SYNE1: variants seen among roughly 807,000 people sequenced by gnomAD.
SYNE1 encodes spectrin repeat containing nuclear envelope protein 1, also known as nesprin-1.
SYNE1 carries 616 observed loss-of-function variants against 1,111.0 expected under a neutral mutation model. The observed-to-expected ratio is 0.55, with a 90% CI of 0.52 to 0.59. The LOEUF is 0.59. Ranked by LOEUF, SYNE1 falls within the 20% of genes least tolerant of loss-of-function variation. The pLI is 0.00. For synonymous variants in SYNE1, 3,855 were observed against 3,825.8 expected, an observed-to-expected ratio of 1.01 and a Z score of -0.28; for missense variants, 10,006 against 10,417.0, an observed-to-expected ratio of 0.96 and a Z score of 1.72.
At chr6:152,598,602 T>A (rs550114307) in intron 3 of SYNE1, among the ~76,000 whole-genome samples, 2 of 152,234 alleles carry the variant, frequency 1.3e-5, no homozygotes, top group Non-Finnish European at 2.9e-5. Context: ...AATAGCATCA[T>A]GGGAATGTGG....
intron 3 of SYNE1, among the ~76,000 whole-genome samples, chr6:152,563,474 T>G (rs1473326082): frequency 6.6e-6 from 1 of 152,194 alleles, no homozygotes; most frequent in African/African-American, 2.4e-5. Context: ...CATTCGATAT[T>G]TAGAAAATTA....
chr6:152,170,252 A>C (rs566426465), intron 130 of SYNE1, among the ~76,000 whole-genome samples: 1 of 152,234 alleles, frequency 6.6e-6, no homozygotes. Context: ...GGCAATGTTC[A>C]TTGATACAGA....
Position 152,151,984 on chromosome 6 carries a change from A to G in SYNE1, c.24287T>C (p.Val8096Ala), listed in dbSNP as rs755154630. ...NQRWDNLQKR[V>A]TSILRRLKHF... ...CTTGAGTCTGCGCAAGATGGAGGTG[A>G]CACGCTTTTGCAGGTTGTCCCATCT... The change falls in exon 134 of 146, where the codon GTC (valine) becomes GCC (alanine). Residue 8096 changes from valine (V) to alanine (A), a missense_variant. This residue lies in a region of SYNE1 where 2,182 missense variants were observed against 2,287.8 expected (regional missense o/e 0.95). Coordinates refer to ENST00000367255, the MANE Select transcript of SYNE1 (RefSeq NM_182961.4). 1.2e-6 allele frequency: 2 copies of G among 1,614,240 alleles called. No individual in the cohort carries two copies. The highest frequency in any genetic ancestry group is 1.7e-6 in the Non-Finnish European group (2 of 1,180,040).
In SYNE1 at chr6:152,179,825, C is replaced by T. The variant is rs544932524; in HGVS notation, c.23460+311G>A. ...TCAGCCTCTAGAGTAGCTGGTACTA[C>T]AGGCGCGCACCACCACGCCAGGCTA... On this transcript the variant is annotated intron_variant, in intron 129 of 145. Transcript: ENST00000367255. 1.5e-3 allele frequency among the ~76,000 whole-genome samples: 229 copies of T among 151,668 alleles called. 1 individual carries two copies. Among genetic ancestry groups the T allele is most frequent in the African/African-American group, 5.3e-3 (218 of 41,372 alleles).
chr6:152,291,588 G>C (rs543636444), intron 95 of SYNE1, among the ~76,000 whole-genome samples: 16 of 152,278 alleles, frequency 1.1e-4, no homozygotes, highest in African/African-American at 3.4e-4. Context: ...TGAGCAACAG[G>C]GTGGTGGTGC....
intron 63 of SYNE1, among the ~76,000 whole-genome samples, chr6:152,363,544 T>A (rs1050331430): frequency 3.2e-5 from 4 of 126,458 alleles, no homozygotes; most frequent in Non-Finnish European, 5.1e-5. Context: ...TAAATAAATA[T>A]AAAAATAAAT....
chr6:152,254,822 T>C, intron 104 of SYNE1, 58 bp downstream of exon 104: 1 of 1,475,796 alleles, frequency 6.8e-7, no homozygotes, highest in Non-Finnish European at 9.4e-7. Context: ...GACTCGTGAC[T>C]GACTATTACT....
At chr6:152,132,760 G>A (rs2056118650) in intron 143 of SYNE1, among the ~76,000 whole-genome samples, 1 of 151,968 alleles carries the variant, frequency 6.6e-6, no homozygotes, top group African/African-American at 2.4e-5. Flanking sequence ...AATCTTACCA[G>A]GCATCACCAC....
chr6:152,264,206 C>CAAAAAAAAAAAAAAAA (rs56714685), intron 100 of SYNE1, among the ~76,000 whole-genome samples: 1 of 45,896 alleles, frequency 2.2e-5, no homozygotes, highest in Non-Finnish European at 3.7e-5. Flanking sequence ...GACTCCATCT[C>CAAAAAAAAAAAAAAAA]AAAAAAAAAA....
At chr6:152,311,049 C>A in intron 87 of SYNE1, 176 bp from the exon 88 acceptor site, 1 of 669,730 alleles carries the variant, frequency 1.5e-6, no homozygotes, top group Admixed American at 2.3e-5. Context: ...AACTATTTCA[C>A]AGAAAAAGAA....
intron 55 of SYNE1, among the ~76,000 whole-genome samples, chr6:152,381,750 G>T (rs1442999307): frequency 6.6e-6 from 1 of 152,160 alleles, no homozygotes; most frequent in Non-Finnish European, 1.5e-5. Context: ...TGGCAGAACT[G>T]TGTTCTGCTC....
chr6:152,589,887 T>A (rs1482730311), intron 3 of SYNE1, among the ~76,000 whole-genome samples: 1 of 151,914 alleles, frequency 6.6e-6, no homozygotes, highest in African/African-American at 2.4e-5. Context: ...AAAGCATACT[T>A]CACTCAGCAG....
At chr6:152,195,831 G>A (rs942355530) in intron 127 of SYNE1, among the ~76,000 whole-genome samples, 38 of 111,066 alleles carry the variant, frequency 3.4e-4, no homozygotes, top group African/African-American at 1.4e-3. Flanking sequence ...TCTATGTTTG[G>A]TCAAGGCCCT....
intron 137 of SYNE1, chr6:152,145,320 T>G: frequency 1.5e-6 from 1 of 689,148 alleles, no homozygotes; most frequent in Non-Finnish European, 2.6e-6. Flanking sequence ...ATCTTATTCT[T>G]GGTGTGGATT....
chr6:152,384,679 C>T (rs1591618262), intron 55 of SYNE1, among the ~76,000 whole-genome samples: 1 of 152,110 alleles, frequency 6.6e-6, no homozygotes, highest in Non-Finnish European at 1.5e-5. Flanking sequence ...AGTTTGAGAT[C>T]AGCCTGGCCA....
chr6:152,254,529 C>T (rs763948649), intron 104 of SYNE1, among the ~76,000 whole-genome samples: 5 of 152,034 alleles, frequency 3.3e-5, no homozygotes, highest in Admixed American at 2.0e-4. Context: ...GGATCACAGG[C>T]GTGAGCCACT....
intron 56 of SYNE1, among the ~76,000 whole-genome samples, chr6:152,377,767 A>T (rs1038390860): frequency 1.2e-4 from 18 of 150,320 alleles, no homozygotes; most frequent in African/African-American, 4.4e-4. Flanking sequence ...TCTGGTTTAA[A>T]TAGTAATTCA....
chr6:152,560,281 G>A (rs556585252), intron 3 of SYNE1, among the ~76,000 whole-genome samples: 5 of 152,236 alleles, frequency 3.3e-5, no homozygotes, highest in East Asian at 1.9e-4. Context: ...TGGGAGAATC[G>A]CTTAAACCTG....
At chr6:152,302,262 G>A (rs1052653527) in intron 91 of SYNE1, 199 bp from the exon 92 acceptor site, 34 of 694,206 alleles carry the variant, frequency 4.9e-5, no homozygotes, top group Middle Eastern at 3.8e-4. Flanking sequence ...CGCAGGCACA[G>A]CCAAAGTGCC....
Sources: allele counts gnomAD v4.1 joint callset (sites outside exome capture counted in the v4.1 genomes callset), GRCh38; gene constraint gnomAD v4.1.1; regional missense constraint gnomAD v4.1.1; transcripts MANE v1.5; gene names NCBI Gene and HGNC (gene_info 2026-07-23, HGNC 2026-07-21).